Variants in LAMA2 observed in about 807,000 individuals in gnomAD.
LAMA2 encodes laminin subunit alpha 2.
Under a neutral mutation model 364.8 loss-of-function variants are expected in LAMA2, and 269 were observed. The observed-to-expected ratio is 0.74, with a 90% CI of 0.67 to 0.82. The LOEUF is 0.82. Ranked by LOEUF, LAMA2 falls within the 40% of genes least tolerant of loss-of-function variation. The pLI is 0.00. For synonymous variants in LAMA2, 1,379 were observed against 1,370.6 expected, an observed-to-expected ratio of 1.01 and a Z score of -0.14; for missense variants, 3,807 against 3,873.2, an observed-to-expected ratio of 0.98 and a Z score of 0.45.
At chr6:129,378,212 G>C (rs1015900338) in intron 34 of LAMA2, among the ~76,000 whole-genome samples, 1 of 152,156 alleles carries the variant, frequency 6.6e-6, no homozygotes, top group Non-Finnish European at 1.5e-5. Flanking sequence ...AGATAATAGT[G>C]AATAAGAAGA....
At chr6:129,342,601 T>A in intron 30 of LAMA2, 134 bp downstream of exon 30, 1 of 819,634 alleles carries the variant, frequency 1.2e-6, no homozygotes, top group Non-Finnish European at 1.8e-6. Context: ...TTTAATAATA[T>A]AGAAACATGA....
intron 1 of LAMA2, among the ~76,000 whole-genome samples, chr6:128,920,658 T>A (rs947637488): frequency 8.6e-5 from 13 of 150,550 alleles, no homozygotes; most frequent in African/African-American, 2.7e-4. Context: ...GTATTTGTTA[T>A]ACAGACATTA....
chr6:128,909,708 G>T (rs1487182827), intron 1 of LAMA2, among the ~76,000 whole-genome samples: 2 of 151,530 alleles, frequency 1.3e-5, no homozygotes, highest in Non-Finnish European at 2.9e-5. Flanking sequence ...TTGCTCGTTA[G>T]TTGATGCAGT....
chr6:129,241,687 A>G (rs1032390614), intron 12 of LAMA2, among the ~76,000 whole-genome samples: 3 of 152,206 alleles, frequency 2.0e-5, no homozygotes, highest in East Asian at 1.9e-4. Flanking sequence ...TGTGATTTAT[A>G]TATGACTCCA....
chr6:129,126,569 T>C (rs1352013520), intron 4 of LAMA2, among the ~76,000 whole-genome samples: 3 of 152,092 alleles, frequency 2.0e-5, no homozygotes, highest in Non-Finnish European at 4.4e-5. Context: ...ATAAATAAAA[T>C]TGTACTTTAA....
At chr6:129,017,396 A>G (rs1785145384) in intron 1 of LAMA2, among the ~76,000 whole-genome samples, 1 of 152,164 alleles carries the variant, frequency 6.6e-6, no homozygotes, top group East Asian at 1.9e-4. Context: ...ACATATTTAC[A>G]TATGTACATC....
intron 1 of LAMA2, among the ~76,000 whole-genome samples, chr6:128,905,936 C>A (rs1251108140): frequency 6.6e-6 from 1 of 151,952 alleles, no homozygotes; most frequent in African/African-American, 2.4e-5. Context: ...TTTCCAATTT[C>A]ATCCATGTCC....
chr6:129,401,147 C>G (rs1779946209), intron 37 of LAMA2, 77 bp from the exon 38 acceptor site: 2 of 922,774 alleles, frequency 2.2e-6, no homozygotes, highest in African/African-American at 3.3e-5. Flanking sequence ...ATTCAAACAG[C>G]TCAGGAAAGT....
intron 1 of LAMA2, among the ~76,000 whole-genome samples, chr6:129,046,489 A>G (rs574172984): frequency 2.6e-5 from 4 of 152,348 alleles, no homozygotes; most frequent in South Asian, 2.1e-4. Context: ...CTTATTTACT[A>G]TCACGAGAAC....
At chr6:129,435,492 CCA>C (rs1781789588) in intron 41 of LAMA2, among the ~76,000 whole-genome samples, 2 of 151,994 alleles carry the variant, frequency 1.3e-5, no homozygotes, top group Non-Finnish European at 2.9e-5. Flanking sequence ...AGGAGAAAAT[CCA>C]ATTACTTGGA....
intron 22 of LAMA2, among the ~76,000 whole-genome samples, chr6:129,302,205 T>G (rs1773591818): frequency 6.6e-6 from 1 of 152,150 alleles, no homozygotes; most frequent in Non-Finnish European, 1.5e-5. Context: ...CTTTTAACCC[T>G]TTTTTAATTT....
chr6:129,293,454 A>G (rs903370064), intron 20 of LAMA2, among the ~76,000 whole-genome samples: 1 of 152,226 alleles, frequency 6.6e-6, no homozygotes, highest in Non-Finnish European at 1.5e-5. Flanking sequence ...TGATTTGTCC[A>G]AGAAAACTCA....
At chr6:128,985,455 T>G (rs1783166479) in intron 1 of LAMA2, among the ~76,000 whole-genome samples, 1 of 152,122 alleles carries the variant, frequency 6.6e-6, no homozygotes, top group Non-Finnish European at 1.5e-5. Context: ...TTAATAATAA[T>G]TTTTTATACC....
At chr6:129,253,629 G>C (rs905399199) in intron 14 of LAMA2, among the ~76,000 whole-genome samples, 1 of 152,210 alleles carries the variant, frequency 6.6e-6, no homozygotes, top group African/African-American at 2.4e-5. Context: ...TGTTTAAACA[G>C]TACAAAGAAA....
At chr6:129,265,852 C>T (rs1417025429) in intron 15 of LAMA2, among the ~76,000 whole-genome samples, 2 of 152,014 alleles carry the variant, frequency 1.3e-5, no homozygotes, top group East Asian at 1.9e-4. Context: ...TATCCCAGAA[C>T]TTAAAGTATA....
At chr6:129,051,640 G>A (rs907822280) in intron 2 of LAMA2, among the ~76,000 whole-genome samples, 12 of 144,444 alleles carry the variant, frequency 8.3e-5, no homozygotes, top group African/African-American at 2.8e-4. Context: ...ATTATATGTA[G>A]AGAGATATAT....
intron 12 of LAMA2, among the ~76,000 whole-genome samples, chr6:129,213,102 A>G (rs1486041752): frequency 6.6e-6 from 1 of 152,114 alleles, no homozygotes; most frequent in Non-Finnish European, 1.5e-5. Flanking sequence ...TTTTTCCAAG[A>G]TGTCATGTAG....
intron 14 of LAMA2, 38 bp from the exon 15 acceptor site, chr6:129,260,673 C>T (rs778619361): frequency 8.0e-7 from 1 of 1,255,850 alleles, no homozygotes; most frequent in African/African-American, 1.5e-5. Flanking sequence ...TACCTAAGAA[C>T]TTTACTTATT....
intron 12 of LAMA2, among the ~76,000 whole-genome samples, chr6:129,248,934 G>A (rs1002347337): frequency 1.3e-5 from 2 of 152,082 alleles, no homozygotes; most frequent in East Asian, 1.9e-4. Flanking sequence ...AAAGACATTC[G>A]AATAAGGCCA....
Sources: gnomAD v4.1 joint callset for allele counts (sites outside exome capture counted in the v4.1 genomes callset) on GRCh38, gnomAD v4.1.1 for gene constraint, MANE v1.5 for transcripts, NCBI Gene and HGNC (gene_info 2026-07-23, HGNC 2026-07-21) for gene names.